The following DENND1A variants were observed in gnomAD, a reference collection of about 807,000 sequenced individuals.
The protein encoded by DENND1A is DENN domain containing 1A.
In DENND1A, 51 loss-of-function variants were observed where a neutral mutation model predicts 113.7. The observed-to-expected ratio is 0.45, with a 90% CI of 0.36 to 0.57. DENND1A has a LOEUF of 0.57. Ranked by LOEUF, DENND1A falls within the 20% of genes least tolerant of loss-of-function variation. DENND1A has a pLI of 0.00. For missense variants in DENND1A, 1,258 were observed against 1,395.9 expected, an observed-to-expected ratio of 0.90 and a Z score of 1.57; for synonymous variants, 565 against 570.8, an observed-to-expected ratio of 0.99 and a Z score of 0.14.
chr9:123,899,520 A>G (rs937588793), intron 1 of DENND1A, among the ~76,000 whole-genome samples: 6 of 152,198 alleles, frequency 3.9e-5, no homozygotes, highest in Non-Finnish European at 5.9e-5. Context: ...AAGTTTTCTT[A>G]CCACAAATTT....
chr9:123,920,850 G>C (rs913578916), intron 1 of DENND1A, among the ~76,000 whole-genome samples: 1 of 152,022 alleles, frequency 6.6e-6, no homozygotes, highest in Admixed American at 6.6e-5. Context: ...TGAGATTACA[G>C]GTGTGAGCTA....
In DENND1A at chr9:123,926,185, C is replaced by G. The variant is rs560655955; in HGVS notation, c.17+3704G>C. Among the ~76,000 whole-genome samples the G allele has an allele frequency of 8.5e-5, 13 of 152,298 alleles. 1 individual carries two copies. In the South Asian group the frequency reaches 1.2e-3, roughly 15 times the overall value. On this transcript the variant is annotated intron_variant, in intron 1 of 23. Coordinates refer to ENST00000394215, the MANE Select transcript of DENND1A (RefSeq NM_001352964.2). The stretch of plus-strand genomic sequence containing the variant: ...CCATACAGATGTAACATTTAGGTTT[C>G]CAGGGTGCTACCTGCATACTGGTGA...
At chr9:123,885,783 T>TC (rs1848980606) in intron 1 of DENND1A, among the ~76,000 whole-genome samples, 1 of 152,146 alleles carries the variant, frequency 6.6e-6, no homozygotes, top group Admixed American at 6.5e-5. Context: ...AGGACCATGT[T>TC]CTTTTTTTTT....
chr9:123,499,332 C>T (rs2052259242), intron 13 of DENND1A, among the ~76,000 whole-genome samples: 1 of 152,254 alleles, frequency 6.6e-6, no homozygotes, highest in Non-Finnish European at 1.5e-5. Context: ...GCACGCTCGG[C>T]CTCACTTAGC....
intron 1 of DENND1A, among the ~76,000 whole-genome samples, chr9:123,916,375 T>TC (rs1227638858): frequency 6.6e-6 from 1 of 150,508 alleles, no homozygotes; most frequent in Admixed American, 6.6e-5. Context: ...TATTTGCTTT[T>TC]TTTTTTTTTT....
At chr9:123,487,808 C>T (rs1313948683) in intron 13 of DENND1A, among the ~76,000 whole-genome samples, 1 of 152,188 alleles carries the variant, frequency 6.6e-6, no homozygotes, top group African/African-American at 2.4e-5. Flanking sequence ...TGAAAGGGGA[C>T]TGCTGATATT....
chr9:123,697,149 C>T (rs2065574026), intron 5 of DENND1A, among the ~76,000 whole-genome samples: 1 of 152,138 alleles, frequency 6.6e-6, no homozygotes, highest in African/African-American at 2.4e-5. Context: ...GCCATTTTAA[C>T]AGGAGAAAAG....
intron 9 of DENND1A, among the ~76,000 whole-genome samples, chr9:123,641,135 C>T (rs1462755415): frequency 6.6e-6 from 1 of 152,224 alleles, no homozygotes; most frequent in African/African-American, 2.4e-5. Context: ...AGAAACAACA[C>T]AGGAAATTAT....
chr9:123,689,779 G>A (rs2065046400), intron 5 of DENND1A, among the ~76,000 whole-genome samples: 1 of 151,950 alleles, frequency 6.6e-6, no homozygotes, highest in Non-Finnish European at 1.5e-5. Flanking sequence ...AGACCAGCCT[G>A]GGCAACATGG....
At chr9:123,425,629 A>AC (rs2045661497) in intron 19 of DENND1A, among the ~76,000 whole-genome samples, 3 of 2,028 alleles carry the variant, frequency 1.5e-3, no homozygotes, top group African/African-American at 3.9e-3. Context: ...CCAAACTCTC[A>AC]TGGGCAGCTC....
intron 13 of DENND1A, among the ~76,000 whole-genome samples, chr9:123,505,204 A>T (rs1434513307): frequency 6.6e-6 from 1 of 152,258 alleles, no homozygotes; most frequent in Non-Finnish European, 1.5e-5. Flanking sequence ...GGTAAATTAC[A>T]ATATGTACAA....
At chr9:123,438,917 A>G (rs1588531813) in intron 19 of DENND1A, among the ~76,000 whole-genome samples, 1 of 152,248 alleles carries the variant, frequency 6.6e-6, no homozygotes. Context: ...GTTTAACACC[A>G]TGAAATCCCT....
At chr9:123,926,689 C>T (rs1353935612) in intron 1 of DENND1A, among the ~76,000 whole-genome samples, 3 of 148,678 alleles carry the variant, frequency 2.0e-5, no homozygotes, top group African/African-American at 7.5e-5. Context: ...TTTTTTAACT[C>T]GATAAACACT....
chr9:123,477,357 C>T (rs2049995214), intron 13 of DENND1A, among the ~76,000 whole-genome samples: 1 of 152,020 alleles, frequency 6.6e-6, no homozygotes, highest in Non-Finnish European at 1.5e-5. Context: ...TTGAGACCAA[C>T]CTGGGCAACA....
chr9:123,603,641 C>T (rs1343162761), intron 11 of DENND1A, among the ~76,000 whole-genome samples: 2 of 152,206 alleles, frequency 1.3e-5, no homozygotes, highest in East Asian at 1.9e-4. Context: ...CAACTGGTCC[C>T]TGGGTCTCAC....
intron 13 of DENND1A, among the ~76,000 whole-genome samples, chr9:123,552,342 C>T (rs1195859260): frequency 1.3e-5 from 2 of 152,232 alleles, no homozygotes; most frequent in Admixed American, 6.5e-5. Flanking sequence ...AGCCTCACTA[C>T]ACTCCTGCAA....
At position 123,690,469 on chromosome 9, in the gene DENND1A, G is replaced by A. The variant is rs2065122087; in HGVS notation, c.303-13680C>T. On this transcript the variant is annotated intron_variant, in intron 5 of 23. Transcript: ENST00000394215. ...ATATATTATGAACTATCAAAATGAT[G>A]GAATATTATATATTCATTAAAATCA... 2.0e-5 allele frequency among the ~76,000 whole-genome samples: 3 copies of A among 151,772 alleles called. No homozygotes were observed. In the South Asian group the frequency reaches 6.3e-4, roughly 32 times the overall value.
At chr9:123,505,965 C>T (rs2052892803) in intron 13 of DENND1A, among the ~76,000 whole-genome samples, 1 of 152,060 alleles carries the variant, frequency 6.6e-6, no homozygotes, top group Non-Finnish European at 1.5e-5. Flanking sequence ...GCCGCTGCTC[C>T]TCAACGTGAG....
intron 5 of DENND1A, among the ~76,000 whole-genome samples, chr9:123,747,476 G>A (rs2069612942): frequency 6.6e-6 from 1 of 152,166 alleles, no homozygotes. Flanking sequence ...CTATGTGGTA[G>A]TTTAAGACTT....
Sources: gnomAD v4.1 joint callset for allele counts (sites outside exome capture counted in the v4.1 genomes callset) on GRCh38, gnomAD v4.1.1 for gene constraint, MANE v1.5 for transcripts, NCBI Gene and HGNC (gene_info 2026-07-23, HGNC 2026-07-21) for gene names.